EDIL3: variants seen among roughly 807,000 people sequenced by gnomAD.
EDIL3 encodes EGF like and discoidin domains 3, also known as EGF-like repeat and discoidin I-like domain-containing protein 3.
Under a neutral mutation model 67.4 loss-of-function variants are expected in EDIL3, and 37 were observed. The ratio of observed to expected loss-of-function variants is 0.55; its 90% CI spans 0.42 to 0.72. EDIL3 has a LOEUF of 0.72. EDIL3 is among the 30% of genes least tolerant of loss of function. EDIL3 has a pLI of 0.00. For synonymous variants in EDIL3, 195 were observed against 196.3 expected (o/e 0.99, Z 0.05); for missense variants, 527 against 586.3 (o/e 0.90, Z 1.04).
rs1474001579 is a variant in EDIL3, at chr5:83,943,299, G to A, written c.*120C>T. 4 of 1,384,468 alleles carry A rather than the reference G, an allele frequency of 2.9e-6. No individual in the cohort carries two copies. Among genetic ancestry groups the A allele is most frequent in the South Asian group, 1.3e-5 (1 of 75,158 alleles). 85.8% of individuals were successfully genotyped at this position (1,384,468 alleles called of 1,614,324 possible). Reference sequence around the variant, plus strand: ...CACCGTTAGTTGCCTACCATAATTTGAGCACTTTTTCATGAAAAAAAAAAA... The same window carrying A: ...CACCGTTAGTTGCCTACCATAATTTAAGCACTTTTTCATGAAAAAAAAAAA... On this transcript the variant is annotated 3_prime_UTR_variant, in exon 11 of 11. Coordinates refer to ENST00000296591, the MANE Select transcript of EDIL3 (RefSeq NM_005711.5).
chr5:84,366,665 C>T (rs893797813), intron 1 of EDIL3, among the ~76,000 whole-genome samples: 6 of 151,786 alleles, frequency 4.0e-5, no homozygotes, highest in Non-Finnish European at 7.4e-5. Flanking sequence ...TTATCAAAAA[C>T]GGAAAGGGGA....
intron 9 of EDIL3, among the ~76,000 whole-genome samples, chr5:84,026,673 T>G (rs374771452): frequency 1.3e-4 from 20 of 152,344 alleles, no homozygotes; most frequent in Admixed American, 5.9e-4. Flanking sequence ...TTCACTTGAT[T>G]ATTTCCAACT....
intron 9 of EDIL3, among the ~76,000 whole-genome samples, chr5:84,004,491 T>C (rs1445769219): frequency 6.6e-6 from 1 of 152,008 alleles, no homozygotes; most frequent in Non-Finnish European, 1.5e-5. Context: ...GATCAAAGTG[T>C]AATAAAATCA....
intron 1 of EDIL3, among the ~76,000 whole-genome samples, chr5:84,322,052 C>T (rs1746659145): frequency 1.3e-5 from 2 of 150,956 alleles, no homozygotes; most frequent in South Asian, 2.1e-4. Context: ...GAAAATTAAA[C>T]AATAATAATG....
intron 5 of EDIL3, among the ~76,000 whole-genome samples, chr5:84,113,613 G>T (rs1048707416): frequency 1.3e-5 from 2 of 152,236 alleles, no homozygotes; most frequent in African/African-American, 4.8e-5. Flanking sequence ...GCAAAGAATG[G>T]CTTCTGCATT....
chr5:83,981,936 CA>C (rs890369803), intron 9 of EDIL3, among the ~76,000 whole-genome samples: 33 of 151,528 alleles, frequency 2.2e-4, no homozygotes, highest in Non-Finnish European at 4.0e-4. Context: ...ATAAATATGG[CA>C]AAAAAACATG....
chr5:84,169,575 A>T (rs1748775782), intron 4 of EDIL3, among the ~76,000 whole-genome samples: 1 of 151,244 alleles, frequency 6.6e-6, no homozygotes, highest in Non-Finnish European at 1.5e-5. Context: ...GGAAACCACT[A>T]ATCTATCCTC....
intron 9 of EDIL3, among the ~76,000 whole-genome samples, chr5:84,029,026 G>A (rs1745869950): frequency 6.6e-6 from 1 of 152,158 alleles, no homozygotes; most frequent in Non-Finnish European, 1.5e-5. Context: ...GGGAGGCTGA[G>A]GCAGGTGGAT....
chr5:83,964,755 C>A (rs1244094800), intron 9 of EDIL3, among the ~76,000 whole-genome samples: 3 of 151,970 alleles, frequency 2.0e-5, no homozygotes, highest in South Asian at 4.1e-4. Flanking sequence ...TGGATTAGGA[C>A]AAAAGACCAC....
At position 83,983,464 on chromosome 5, in the gene EDIL3, C is replaced by T. The variant is rs192292457; in HGVS notation, c.1138-20104G>A. Among the ~76,000 whole-genome samples, 129 of 152,040 alleles carry T rather than the reference C, an allele frequency of 8.5e-4. 3 individuals are homozygous for T. The East Asian group carries it at 0.023, about 27-fold the overall frequency. ...CTTCATAAACAGCAAGGAAAAATTA[C>T]GTGTAAATAGCCAAAGAAATGTTTG... On this transcript the variant is annotated intron_variant, in intron 9 of 10. Coordinates refer to ENST00000296591, the MANE Select transcript of EDIL3 (RefSeq NM_005711.5).
intron 2 of EDIL3, among the ~76,000 whole-genome samples, chr5:84,238,744 A>G (rs1172341126): frequency 1.4e-5 from 2 of 138,818 alleles, no homozygotes; most frequent in African/African-American, 2.7e-5. Context: ...TGTTAATCAT[A>G]TAACATTGAC....
intron 9 of EDIL3, among the ~76,000 whole-genome samples, chr5:83,978,861 TC>T (rs980318340): frequency 2.6e-5 from 4 of 152,186 alleles, no homozygotes; most frequent in Admixed American, 1.3e-4. Context: ...AAGTGAAACT[TC>T]AAGTATTTCA....
intron 9 of EDIL3, 116 bp from the exon 10 acceptor site, chr5:83,963,476 T>C (rs996653206): frequency 3.4e-6 from 4 of 1,185,878 alleles, no homozygotes; most frequent in Non-Finnish European, 4.5e-6. Context: ...ATCTGTCTAG[T>C]TATTTGTATT....
At chr5:84,212,674 G>A (rs1263851141) in intron 3 of EDIL3, among the ~76,000 whole-genome samples, 1 of 152,170 alleles carries the variant, frequency 6.6e-6, no homozygotes, top group Non-Finnish European at 1.5e-5. Flanking sequence ...ATCTGAAAGG[G>A]AAAGGAAAGC....
In EDIL3 at chr5:84,114,919, C is replaced by T. The variant is rs78165645; in HGVS notation, c.470-8089G>A. Among the ~76,000 whole-genome samples, 441 of 152,232 alleles carry T rather than the reference C, an allele frequency of 2.9e-3. 8 individuals are homozygous for T. Among genetic ancestry groups the T allele is most frequent in the African/African-American group, 9.0e-3 (374 of 41,544 alleles). ...GAACAGCAATTTGTGCATTTTTTTT[C>T]CCTCTGAGACAATATGCTTCTTACA... On this transcript the variant is annotated intron_variant, in intron 5 of 10. Transcript: ENST00000296591.
intron 9 of EDIL3, among the ~76,000 whole-genome samples, chr5:83,980,644 C>T (rs910832821): frequency 8.8e-5 from 13 of 148,450 alleles, no homozygotes; most frequent in Middle Eastern, 3.5e-3. Context: ...GCTGAGATTG[C>T]GCCACTGCAC....
At chr5:84,282,597 A>C (rs1274008738) in intron 1 of EDIL3, among the ~76,000 whole-genome samples, 1 of 152,070 alleles carries the variant, frequency 6.6e-6, no homozygotes, top group Non-Finnish European at 1.5e-5. Context: ...CCTGTGCAAA[A>C]ATTTATTTTG....
rs190918116 is a variant in EDIL3 at position 84,265,192 on chromosome 5, A to T, written c.68-10980T>A. Among the ~76,000 whole-genome samples the T allele has an allele frequency of 2.5e-3, 376 of 152,340 alleles. 1 individual carries two copies. The highest frequency in any genetic ancestry group is 8.4e-3 in the African/African-American group (350 of 41,590). ...TTAATTATATCTTGTTTAAAAAGTCATAATTTAAGACAGCAGTAGAATGTC... is the reference window on the plus strand; with the variant it reads ...TTAATTATATCTTGTTTAAAAAGTCTTAATTTAAGACAGCAGTAGAATGTC... On this transcript the variant is annotated intron_variant, in intron 1 of 10. Coordinates refer to ENST00000296591, the MANE Select transcript of EDIL3 (RefSeq NM_005711.5).
chr5:84,092,053 G>C (rs970589157), intron 6 of EDIL3, among the ~76,000 whole-genome samples: 9 of 152,130 alleles, frequency 5.9e-5, no homozygotes, highest in African/African-American at 2.2e-4. Context: ...AACTCCTTTA[G>C]TCCTAAGTGC....
Sources: gnomAD v4.1 joint callset for allele counts (sites outside exome capture counted in the v4.1 genomes callset) on GRCh38, gnomAD v4.1.1 for gene constraint, MANE v1.5 for transcripts, NCBI Gene and HGNC (gene_info 2026-07-23, HGNC 2026-07-21) for gene names.